The following DMD variants were observed in gnomAD, a reference collection of about 807,000 sequenced individuals.
DMD encodes dystrophin.
Under a neutral mutation model 330.1 loss-of-function variants are expected in DMD, and 63 were observed. The ratio of observed to expected loss-of-function variants is 0.19; its 90% CI spans 0.16 to 0.24. DMD has a LOEUF of 0.24. DMD is among the 10% of genes least tolerant of loss of function. The pLI, the probability that DMD is intolerant of heterozygous loss-of-function variation, is 1.00. For synonymous variants in DMD, 1,223 were observed against 959.8 expected, an observed-to-expected ratio of 1.27 and a Z score of -5.07; for missense variants, 3,344 against 2,684.1, an observed-to-expected ratio of 1.25 and a Z score of -5.43.
At chrX:32,372,382 A>G (rs1217262755) in intron 34 of DMD, among the ~76,000 whole-genome samples, 3 of 111,462 alleles carry the variant, frequency 2.7e-5, no homozygotes, top group Non-Finnish European at 5.7e-5. Context: ...CCAAGAGAGT[A>G]GGGGTTATCA....
chrX:33,005,645 T>C (rs889125207), intron 2 of DMD, among the ~76,000 whole-genome samples: 14 of 110,160 alleles, frequency 1.3e-4, no homozygotes, highest in African/African-American at 3.6e-4. Flanking sequence ...AAAACACCTA[T>C]AATTGACATC....
At chrX:32,650,585 C>A (rs747226779) in intron 9 of DMD, among the ~76,000 whole-genome samples, 2 of 112,036 alleles carry the variant, frequency 1.8e-5, no homozygotes, top group South Asian at 3.7e-4. Context: ...ACAGATATAA[C>A]ACGTAAACCA....
chrX:32,661,224 A>C (rs900576882), intron 9 of DMD, among the ~76,000 whole-genome samples: 4 of 111,355 alleles, frequency 3.6e-5, no homozygotes, highest in African/African-American at 1.3e-4. Flanking sequence ...CTGTGCTTTA[A>C]ATTATAATGC....
chrX:33,152,696 C>T (rs2048337732), intron 1 of DMD, among the ~76,000 whole-genome samples: 1 of 111,247 alleles, frequency 9.0e-6, no homozygotes, highest in African/African-American at 3.3e-5. Context: ...ACCATTAAGA[C>T]CCATTGCTGT....
intron 9 of DMD, among the ~76,000 whole-genome samples, chrX:32,670,393 G>T (rs1049677526): frequency 9.0e-6 from 1 of 111,711 alleles, no homozygotes; most frequent in Non-Finnish European, 1.9e-5. Context: ...AAGGCCAGAA[G>T]ACATAACTTA....
intron 2 of DMD, among the ~76,000 whole-genome samples, chrX:32,985,525 GA>G (rs955248007): frequency 1.9e-5 from 2 of 107,442 alleles, no homozygotes; most frequent in Non-Finnish European, 3.9e-5. Context: ...ACATCTGTCA[GA>G]AAAAAAAAAT....
intron 53 of DMD, among the ~76,000 whole-genome samples, chrX:31,659,532 G>A (rs1490601120): frequency 3.8e-5 from 4 of 106,068 alleles, no homozygotes; most frequent in Non-Finnish European, 7.7e-5. Flanking sequence ...CCAGCTACTC[G>A]GGAGGCTGAG....
chrX:31,173,684 C>T, intron 71 of DMD, 80 bp from the exon 72 acceptor site: 2 of 864,010 alleles, frequency 2.3e-6, no homozygotes, highest in Non-Finnish European at 3.4e-6. Context: ...ATGTTATACA[C>T]ATGGCCTAGA....
chrX:32,367,266 G>C (rs1186766773), intron 34 of DMD, among the ~76,000 whole-genome samples: 3 of 111,332 alleles, frequency 2.7e-5, no homozygotes, highest in East Asian at 2.8e-4. Flanking sequence ...GGCTCTGTGG[G>C]ATAAAACGGT....
At chrX:32,376,436 G>A (rs779152534) in intron 34 of DMD, among the ~76,000 whole-genome samples, 11 of 111,634 alleles carry the variant, frequency 9.9e-5, no homozygotes, top group African/African-American at 3.6e-4. Context: ...TATTAATTCT[G>A]TGTATTTTAT....
At chrX:33,097,273 A>G (rs2148349588) in intron 1 of DMD, among the ~76,000 whole-genome samples, 1 of 109,987 alleles carries the variant, frequency 9.1e-6, no homozygotes, top group African/African-American at 3.3e-5. Context: ...TTCCACATAG[A>G]AGCAGAAAAA....
intron 1 of DMD, among the ~76,000 whole-genome samples, chrX:33,241,038 T>C (rs1426875066): frequency 1.8e-5 from 2 of 112,026 alleles, no homozygotes; most frequent in African/African-American, 3.2e-5. Context: ...TTCTTTCCTT[T>C]ACTGTGCAGA....
intron 29 of DMD, among the ~76,000 whole-genome samples, chrX:32,435,811 T>C (rs1052511145): frequency 9.0e-6 from 1 of 111,201 alleles, no homozygotes; most frequent in African/African-American, 3.3e-5. Context: ...TCAGCAACAC[T>C]ATGGGTCGTG....
chrX:32,724,532 G>C (rs989099374), intron 7 of DMD, among the ~76,000 whole-genome samples: 1 of 111,552 alleles, frequency 9.0e-6, no homozygotes. Flanking sequence ...ACATGTTAAA[G>C]CTAATTTTAC....
chrX:32,573,191 G>C (rs1378298693), intron 15 of DMD, among the ~76,000 whole-genome samples: 1 of 111,720 alleles, frequency 9.0e-6, no homozygotes, highest in Non-Finnish European at 1.9e-5. Context: ...ATATTATTCT[G>C]AGAATCAACG....
intron 53 of DMD, among the ~76,000 whole-genome samples, chrX:31,668,622 T>G (rs2081567399): frequency 9.0e-6 from 1 of 111,529 alleles, no homozygotes; most frequent in South Asian, 3.7e-4. Context: ...CAAGAACATT[T>G]AAAATCTGTT....
intron 1 of DMD, among the ~76,000 whole-genome samples, chrX:33,118,235 C>T (rs1039458852): frequency 3.7e-5 from 4 of 106,927 alleles, no homozygotes; most frequent in Non-Finnish European, 5.8e-5. Context: ...CTCAGCCTCC[C>T]GAGTAGCTGG....
chrX:31,819,016 T>C (rs17340997), intron 50 of DMD, among the ~76,000 whole-genome samples: 14,150 of 109,887 alleles, frequency 0.13, 679 homozygotes, highest in Admixed American at 0.19. Context: ...CATTTGATCT[T>C]TGAAAAGCAG....
intron 5 of DMD, among the ~76,000 whole-genome samples, chrX:32,822,543 A>G (rs763936507): frequency 9.9e-5 from 11 of 110,644 alleles, no homozygotes; most frequent in African/African-American, 3.6e-4. Flanking sequence ...ATTAGTGGAT[A>G]TAAGTTCATG....
Sources: gnomAD v4.1 joint callset for allele counts (sites outside exome capture counted in the v4.1 genomes callset) on GRCh38, gnomAD v4.1.1 for gene constraint, MANE v1.5 for transcripts, NCBI Gene and HGNC (gene_info 2026-07-23, HGNC 2026-07-21) for gene names.